Variants in SLC35F4 observed in about 807,000 individuals in gnomAD.
SLC35F4 encodes solute carrier family 35 member F4.
A neutral mutation model predicts 44.2 loss-of-function variants in SLC35F4; 24 were observed. That is an observed-to-expected ratio of 0.54 (90% confidence interval 0.39 to 0.76). The LOEUF is 0.76. Among genes scored for constraint, SLC35F4 ranks in the 30% least tolerant of loss-of-function variants. The pLI is 0.00. For synonymous variants in SLC35F4, 238 were observed against 223.6 expected (o/e 1.06, Z -0.57); for missense variants, 562 against 586.1 (o/e 0.96, Z 0.42).
intron 1 of SLC35F4, among the ~76,000 whole-genome samples, chr14:57,696,210 A>G (rs1464370180): frequency 6.6e-6 from 1 of 152,236 alleles, no homozygotes; most frequent in Non-Finnish European, 1.5e-5. Flanking sequence ...TCCAGAATTT[A>G]CAAGGAACTT....
At chr14:57,769,194 C>T (rs1471962288) in intron 1 of SLC35F4, among the ~76,000 whole-genome samples, 3 of 152,120 alleles carry the variant, frequency 2.0e-5, no homozygotes, top group Non-Finnish European at 4.4e-5. Context: ...TTTTACTGCT[C>T]TGCATCACTA....
chr14:57,945,113 C>T (rs914904063), intron 1 of SLC35F4, among the ~76,000 whole-genome samples: 2 of 152,166 alleles, frequency 1.3e-5, no homozygotes, highest in Non-Finnish European at 2.9e-5. Flanking sequence ...CATGCATATT[C>T]CCATTGCAAA....
At chr14:57,689,202 T>G (rs2075155148) in intron 1 of SLC35F4, among the ~76,000 whole-genome samples, 1 of 152,154 alleles carries the variant, frequency 6.6e-6, no homozygotes, top group South Asian at 2.1e-4. Context: ...TGACCTCAGT[T>G]AACAGCATCC....
chr14:57,941,026 G>A (rs1013897417), intron 1 of SLC35F4, among the ~76,000 whole-genome samples: 2 of 152,102 alleles, frequency 1.3e-5, no homozygotes, highest in African/African-American at 4.8e-5. Flanking sequence ...TCCAAAATGT[G>A]GAAAATAACA....
At chr14:57,667,758 G>A (rs7157234) in intron 1 of SLC35F4, among the ~76,000 whole-genome samples, 94,431 of 150,708 alleles carry the variant, frequency 0.63, 29,952 homozygotes, top group South Asian at 0.71. Flanking sequence ...GGTTGGTTCC[G>A]AGTCTTTGCT....
chr14:57,852,547 G>A, intron 1 of SLC35F4, among the ~76,000 whole-genome samples: 1 of 152,182 alleles, frequency 6.6e-6, no homozygotes, highest in Non-Finnish European at 1.5e-5. Context: ...GGACTAGAAA[G>A]GAACAAGACA....
intron 1 of SLC35F4, among the ~76,000 whole-genome samples, chr14:57,787,674 A>G (rs2077802029): frequency 6.6e-6 from 1 of 152,210 alleles, no homozygotes; most frequent in Non-Finnish European, 1.5e-5. Context: ...TCATATATGA[A>G]GGAAAGATAG....
At chr14:57,955,423 A>G (rs1218838997) in intron 1 of SLC35F4, among the ~76,000 whole-genome samples, 1 of 152,118 alleles carries the variant, frequency 6.6e-6, no homozygotes, top group South Asian at 2.1e-4. Flanking sequence ...CTCACATAGT[A>G]TTGGAATTTA....
At chr14:57,799,526 C>T (rs1232239522) in intron 1 of SLC35F4, 2 of 152,396 alleles carry the variant, frequency 1.3e-5, no homozygotes, top group African/African-American at 4.8e-5. Flanking sequence ...CGTTTCCAAG[C>T]ACCTCACAAG....
Position 57,922,696 on chromosome 14 carries a change from T to C in SLC35F4, n.282+59217A>G, listed in dbSNP as rs560503795. On this transcript the variant is annotated intron_variant and non_coding_transcript_variant, in intron 1 of 1. Coordinates refer to the SLC35F4 transcript ENST00000556568. Reference sequence around the variant, plus strand: ...AACTATATTAAGCACCTTAATCAAATCTCTGGAATGGACAATTTAGGCCTG... The same window carrying C: ...AACTATATTAAGCACCTTAATCAAACCTCTGGAATGGACAATTTAGGCCTG... Among the ~76,000 whole-genome samples, 7 of 152,290 alleles carry C rather than the reference T, an allele frequency of 4.6e-5. No homozygotes were observed. The South Asian group carries it at 1.4e-3, about 32-fold the overall frequency.
chr14:57,732,429 T>G (rs750992191), intron 1 of SLC35F4, among the ~76,000 whole-genome samples: 1 of 152,220 alleles, frequency 6.6e-6, no homozygotes. Flanking sequence ...AAAAGCTTTT[T>G]AGTTCCAAAA....
intron 1 of SLC35F4, among the ~76,000 whole-genome samples, chr14:57,660,847 G>C (rs1278921434): frequency 6.6e-6 from 1 of 152,020 alleles, no homozygotes; most frequent in East Asian, 1.9e-4. Context: ...AAGAGACCTG[G>C]GGCGAGAAAC....
intron 1 of SLC35F4, among the ~76,000 whole-genome samples, chr14:57,923,042 G>A (rs1486633937): frequency 6.6e-6 from 1 of 152,210 alleles, no homozygotes; most frequent in African/African-American, 2.4e-5. Flanking sequence ...TATGGTAGGT[G>A]CCGTTGTATC....
At chr14:57,629,137 T>G (rs2072635772) in intron 1 of SLC35F4, among the ~76,000 whole-genome samples, 2 of 152,162 alleles carry the variant, frequency 1.3e-5, no homozygotes, top group Admixed American at 6.6e-5. Flanking sequence ...CAGTGCTTCC[T>G]CTGACTTTGT....
chr14:57,757,925 G>C (rs2077032327), intron 1 of SLC35F4, among the ~76,000 whole-genome samples: 1 of 151,424 alleles, frequency 6.6e-6, no homozygotes, highest in African/African-American at 2.4e-5. Flanking sequence ...AATTCTGTCA[G>C]CTTTGGTATG....
chr14:57,760,305 A>G (rs1029462392), intron 1 of SLC35F4, among the ~76,000 whole-genome samples: 4 of 152,302 alleles, frequency 2.6e-5, no homozygotes, highest in African/African-American at 7.2e-5. Context: ...CCCCATGTGT[A>G]ACATGGCACC....
chr14:57,567,089 C>G (rs1386876891), intron 6 of SLC35F4, among the ~76,000 whole-genome samples: 1 of 152,204 alleles, frequency 6.6e-6, no homozygotes, highest in African/African-American at 2.4e-5. Flanking sequence ...TCACTGAATT[C>G]CAGAGACTGT....
At chr14:57,914,387 CG>C (rs1233789533) in intron 1 of SLC35F4, among the ~76,000 whole-genome samples, 1 of 151,870 alleles carries the variant, frequency 6.6e-6, no homozygotes, top group East Asian at 1.9e-4. Flanking sequence ...CACAGTGAAA[CG>C]CTGTCTCTAC....
intron 4 of SLC35F4, among the ~76,000 whole-genome samples, chr14:57,575,263 A>C (rs112637049): frequency 0.058 from 8,886 of 152,250 alleles, 270 homozygotes; most frequent in Middle Eastern, 0.068. Flanking sequence ...GGATCACTTG[A>C]GGTCAGGAGT....
Sources: gnomAD v4.1 joint callset for allele counts (sites outside exome capture counted in the v4.1 genomes callset) on GRCh38, gnomAD v4.1.1 for gene constraint, MANE v1.5 for transcripts, NCBI Gene and HGNC (gene_info 2026-07-23, HGNC 2026-07-21) for gene names.